The following DIAPH3 variants were observed in gnomAD, a reference collection of about 807,000 sequenced individuals.
DIAPH3 encodes the protein diaphanous related formin 3, also known as protein diaphanous homolog 3.
A neutral mutation model predicts 144.3 loss-of-function variants in DIAPH3; 117 were observed. The observed-to-expected ratio is 0.81, with a 90% confidence interval of 0.70 to 0.95. The LOEUF (loss-of-function observed/expected upper bound fraction) is 0.95, where lower values mean the gene tolerates loss of function less well. Among genes scored for constraint, DIAPH3 ranks in the 40% least tolerant of loss-of-function variants. The pLI, the probability that DIAPH3 is intolerant of heterozygous loss-of-function variation, is 0.00. For synonymous variants in DIAPH3, 519 were observed against 488.9 expected, an observed-to-expected ratio of 1.06 and a Z score of -0.81; for missense variants, 1,421 against 1,412.7, an observed-to-expected ratio of 1.01 and a Z score of -0.09.
At chr13:59,732,425 G>T (rs1436868559) in intron 27 of DIAPH3, among the ~76,000 whole-genome samples, 1 of 150,874 alleles carries the variant, frequency 6.6e-6, no homozygotes, top group Non-Finnish European at 1.5e-5. Context: ...AATTCCTTGA[G>T]GGCCTGGAGC....
intron 17 of DIAPH3, among the ~76,000 whole-genome samples, chr13:59,941,440 G>GGA (rs1320861182): frequency 1.3e-5 from 2 of 152,076 alleles, no homozygotes; most frequent in Non-Finnish European, 2.9e-5. Flanking sequence ...AGCCACCTGG[G>GGA]GAGTAACTCC....
At chr13:59,690,707 A>G (rs1175012680) in intron 27 of DIAPH3, among the ~76,000 whole-genome samples, 1 of 152,162 alleles carries the variant, frequency 6.6e-6, no homozygotes, top group African/African-American at 2.4e-5. Flanking sequence ...CACTGGTTTC[A>G]AAGTAGAAGA....
intron 27 of DIAPH3, among the ~76,000 whole-genome samples, chr13:59,750,735 G>A (rs1566258570): frequency 6.6e-6 from 1 of 152,154 alleles, no homozygotes; most frequent in Non-Finnish European, 1.5e-5. Flanking sequence ...GTTTTAGATG[G>A]AAATAAAAGG....
intron 27 of DIAPH3, among the ~76,000 whole-genome samples, chr13:59,749,209 CAAAAA>C (rs71197276): frequency 4.0e-5 from 1 of 25,098 alleles, no homozygotes; most frequent in East Asian, 1.2e-3. Flanking sequence ...GACTCTGTCT[CAAAAA>C]AAAAAAAAAA....
At chr13:60,143,476 T>C (rs893343133) in intron 1 of DIAPH3, among the ~76,000 whole-genome samples, 1 of 152,138 alleles carries the variant, frequency 6.6e-6, no homozygotes, top group African/African-American at 2.4e-5. Context: ...GAAAAGACCA[T>C]GGTACACAAA....
At chr13:59,968,429 A>T (rs1275595439) in intron 17 of DIAPH3, among the ~76,000 whole-genome samples, 1 of 152,202 alleles carries the variant, frequency 6.6e-6, no homozygotes, top group East Asian at 1.9e-4. Flanking sequence ...TTTAACTGCC[A>T]TGTATTTTCC....
At chr13:60,135,409 T>C (rs1343838069) in intron 1 of DIAPH3, among the ~76,000 whole-genome samples, 1 of 152,194 alleles carries the variant, frequency 6.6e-6, no homozygotes, top group Non-Finnish European at 1.5e-5. Flanking sequence ...CCAAAGAACA[T>C]GTGATGAATC....
At chr13:60,104,411 T>C (rs1404311019) in intron 3 of DIAPH3, among the ~76,000 whole-genome samples, 1 of 152,172 alleles carries the variant, frequency 6.6e-6, no homozygotes, top group Admixed American at 6.5e-5. Context: ...AGCTCATTAA[T>C]AGAACAGCAG....
intron 3 of DIAPH3, among the ~76,000 whole-genome samples, chr13:60,108,330 C>T (rs1188794315): frequency 2.6e-5 from 4 of 152,066 alleles, no homozygotes; most frequent in Admixed American, 6.6e-5. Context: ...TGTATAAGGC[C>T]AGGCACGGTG....
chr13:60,129,514 C>G (rs1293959534), intron 2 of DIAPH3, among the ~76,000 whole-genome samples: 1 of 152,136 alleles, frequency 6.6e-6, no homozygotes, highest in Admixed American at 6.5e-5. Flanking sequence ...ACATGAAGTA[C>G]TTTTGCAGAC....
intron 22 of DIAPH3, among the ~76,000 whole-genome samples, chr13:59,854,461 A>G (rs1247239294): frequency 1.3e-5 from 2 of 152,142 alleles, no homozygotes; most frequent in Non-Finnish European, 2.9e-5. Flanking sequence ...GATTATCTCC[A>G]TACCTCTTCC....
At chr13:59,905,409 GT>G (rs2046683550) in intron 20 of DIAPH3, among the ~76,000 whole-genome samples, 2 of 146,164 alleles carry the variant, frequency 1.4e-5, no homozygotes, top group Non-Finnish European at 3.0e-5. Context: ...CAATTTGACA[GT>G]AACTAGCAAG....
chr13:59,903,559 A>T (rs1214859450), intron 20 of DIAPH3, among the ~76,000 whole-genome samples: 2 of 152,076 alleles, frequency 1.3e-5, no homozygotes, highest in African/African-American at 4.8e-5. Context: ...GTTGTACTAG[A>T]CAAACCTAGA....
At chr13:60,136,295 T>C (rs2059271825) in intron 1 of DIAPH3, among the ~76,000 whole-genome samples, 1 of 152,178 alleles carries the variant, frequency 6.6e-6, no homozygotes, top group Non-Finnish European at 1.5e-5. Flanking sequence ...TGCTCTTTAC[T>C]GTCTTCTAGT....
At chr13:60,031,309 A>AGG (rs2054774668) in intron 5 of DIAPH3, among the ~76,000 whole-genome samples, 1 of 152,128 alleles carries the variant, frequency 6.6e-6, no homozygotes. Context: ...CCAAGCCATG[A>AGG]GGGATCTGAC....
rs1279828719 is a variant in DIAPH3 at position 59,848,459 on chromosome 13, C to T, written c.2738-9011G>A. 3.3e-5 allele frequency among the ~76,000 whole-genome samples: 5 copies of T among 151,496 alleles called. No individual in the cohort carries two copies. The East Asian group carries it at 9.8e-4, about 30-fold the overall frequency. On this transcript the variant is annotated intron_variant, in intron 22 of 27. Coordinates refer to ENST00000400324, the MANE Select transcript of DIAPH3 (RefSeq NM_001042517.2). Reference sequence around the variant, plus strand: ...TTAGGTATATCTCCCAGTGCTATCCCTCCCCGCTCCCCCCACCCCACCACA... The same window carrying T: ...TTAGGTATATCTCCCAGTGCTATCCTTCCCCGCTCCCCCCACCCCACCACA...
intron 12 of DIAPH3, 92 bp downstream of exon 12, chr13:59,991,066 C>T (rs1445454337): frequency 1.3e-6 from 1 of 770,590 alleles, no homozygotes; most frequent in African/African-American, 1.8e-5. Flanking sequence ...AAATAAAAAT[C>T]ATTTGCTTGT....
In DIAPH3 at chr13:59,666,820, C is replaced by G; in HGVS notation, c.3346G>C (p.Gly1116Arg). 2 of 1,614,106 alleles carry G rather than the reference C, an allele frequency of 1.2e-6. No individual in the cohort carries two copies. The highest frequency in any genetic ancestry group is 1.7e-6 in the Non-Finnish European group (2 of 1,179,988). ...TTGATATTGTAGTGTGAACGTGACC[C>G]TTCTGTCAACTGCACTTTCTGATTT... ...HENQKVQLTE[G>R]SRSHYNINCN... Residue 1116 changes from glycine (G) to arginine (R), a missense_variant, in exon 28 of 28, where the codon GGG becomes CGG. Physicochemically the swap from Gly to Arg is moderately radical, Grantham distance 125 (BLOSUM62 -2). Coordinates refer to ENST00000400324, the MANE Select transcript of DIAPH3 (RefSeq NM_001042517.2).
intron 5 of DIAPH3, among the ~76,000 whole-genome samples, chr13:60,023,127 C>T (rs2054138053): frequency 6.6e-6 from 1 of 152,216 alleles, no homozygotes; most frequent in South Asian, 2.1e-4. Context: ...GGCATTAATT[C>T]TTCTTTAAGT....
Sources: allele counts gnomAD v4.1 joint callset (sites outside exome capture counted in the v4.1 genomes callset), GRCh38; gene constraint gnomAD v4.1.1; transcripts MANE v1.5; gene names NCBI Gene and HGNC (gene_info 2026-07-23, HGNC 2026-07-21).